TP53BP2: variants seen among roughly 807,000 people sequenced by gnomAD.
TP53BP2 encodes the protein tumor protein p53 binding protein 2.
In TP53BP2, 62 loss-of-function variants were observed where a neutral mutation model predicts 126.2. The ratio of observed to expected loss-of-function variants is 0.49; its 90% CI spans 0.40 to 0.61. The LOEUF is 0.61. Ranked by LOEUF, TP53BP2 falls within the 20% of genes least tolerant of loss-of-function variation. TP53BP2 has a pLI of 0.00. For synonymous variants in TP53BP2, 485 were observed against 502.9 expected (o/e 0.96, Z 0.48); for missense variants, 1,215 against 1,402.8 (o/e 0.87, Z 2.14).
chr1:223,834,992 A>T (rs1663869958), intron 1 of TP53BP2: 1 of 334,696 alleles, frequency 3.0e-6, no homozygotes, highest in Admixed American at 6.5e-5. Flanking sequence ...CCTACATTAT[A>T]ACTCACTCCC....
At chr1:223,842,098 C>T (rs1385822716) in intron 1 of TP53BP2, among the ~76,000 whole-genome samples, 1 of 152,060 alleles carries the variant, frequency 6.6e-6, no homozygotes, top group East Asian at 1.9e-4. Context: ...CGCCACCACG[C>T]CCAGCTAATT....
chr1:223,809,305 G>A (rs1333548136), intron 4 of TP53BP2, among the ~76,000 whole-genome samples: 4 of 152,126 alleles, frequency 2.6e-5, no homozygotes, highest in African/African-American at 7.2e-5. Flanking sequence ...CATGGCTAAC[G>A]TCCGTAATCC....
At position 223,804,280 on chromosome 1, in the gene TP53BP2, T is replaced by C. The variant is rs764952762; in HGVS notation, c.543A>G (p.Lys181=). ...RQQQQVAEQE[K]LKRLKEIAEN... is the part of the protein sequence containing the mutation. ...CAGCTATTTCTTTTAGCCTTTTAAG[T>C]TTCTCCTGCTCAGCAACTTGTTGCT... is the stretch of plus-strand genomic sequence containing the variant. The change falls in exon 6 of 18, where the codon AAA becomes AAG. Residue 181 remains lysine (K), a synonymous_variant. Transcript: ENST00000343537. The C allele has an allele frequency of 5.6e-6, 9 of 1,614,046 alleles. No homozygotes were observed. The highest frequency in any genetic ancestry group is 7.6e-6 in the Non-Finnish European group (9 of 1,180,024).
chr1:223,804,865 T>A lies in TP53BP2; in HGVS notation c.475-517A>T, dbSNP rs183435853. Among the ~76,000 whole-genome samples, 23 of 152,332 alleles carry A rather than the reference T, an allele frequency of 1.5e-4. No individual in the cohort carries two copies. In the East Asian group the frequency reaches 4.4e-3, roughly 29 times the overall value. ...ATAGTAACTACCAATGTTACTATAG[T>A]GAAGATTAAATGAAGTGTGAAATGT... On this transcript the variant is annotated intron_variant, in intron 5 of 17. Transcript: ENST00000343537.
chr1:223,802,051 T>A (rs1662542476), intron 9 of TP53BP2, 65 bp downstream of exon 9: 5 of 1,472,122 alleles, frequency 3.4e-6, no homozygotes, highest in Non-Finnish European at 3.7e-6. Flanking sequence ...AGATTTTTTT[T>A]AAACTCAAAC....
intron 1 of TP53BP2, chr1:223,845,274 A>G (rs1426664799): frequency 1.0e-6 from 1 of 984,766 alleles, no homozygotes; most frequent in African/African-American, 1.7e-5. Flanking sequence ...GTAAAAAGTA[A>G]AAAGACACAG....
chr1:223,824,218 A>C (rs1046460360), intron 1 of TP53BP2, among the ~76,000 whole-genome samples: 1 of 152,222 alleles, frequency 6.6e-6, no homozygotes, highest in Admixed American at 6.5e-5. Flanking sequence ...AGTTACCCAC[A>C]CTTTAACAGA....
intron 15 of TP53BP2, among the ~76,000 whole-genome samples, chr1:223,791,807 T>C (rs893197346): frequency 6.6e-6 from 1 of 152,198 alleles, no homozygotes; most frequent in Non-Finnish European, 1.5e-5. Flanking sequence ...AAATTTGCTG[T>C]CTATTCTGTT....
At chr1:223,809,698 AT>A (rs1662844722) in intron 4 of TP53BP2, among the ~76,000 whole-genome samples, 1 of 152,238 alleles carries the variant, frequency 6.6e-6, no homozygotes, top group South Asian at 2.1e-4. Context: ...TGTACTGATG[AT>A]TGGAGAAAGG....
chr1:223,833,151 T>C (rs1192703467), intron 1 of TP53BP2, among the ~76,000 whole-genome samples: 1 of 152,242 alleles, frequency 6.6e-6, no homozygotes, highest in African/African-American at 2.4e-5. Context: ...ATTCACCAAT[T>C]ACCATAAGTT....
intron 15 of TP53BP2, among the ~76,000 whole-genome samples, chr1:223,790,767 C>G (rs2102837574): frequency 6.6e-6 from 1 of 152,076 alleles, no homozygotes; most frequent in East Asian, 1.9e-4. Flanking sequence ...GCGCACCTAG[C>G]TAATTTTTAA....
chr1:223,798,686 C>A lies in TP53BP2; in HGVS notation c.1486-9G>T. 1 of 1,581,536 alleles carries A rather than the reference C, an allele frequency of 6.3e-7. No homozygotes were observed. Among genetic ancestry groups the A allele is most frequent in the Non-Finnish European group, 8.6e-7 (1 of 1,163,960 alleles). On this transcript the variant is annotated splice_polypyrimidine_tract_variant and intron_variant, in intron 11 of 17. Transcript: ENST00000343537. ...ACATTTTTATTTGCAACCTATAACA[C>A]ACACATAAAAAGCCAGTTAAAATAC...
At position 223,806,843 on chromosome 1, in the gene TP53BP2, T is replaced by C. The variant is rs1662737096; in HGVS notation, c.474+3A>G. 6.2e-7 allele frequency: 1 copy of C among 1,612,292 alleles called. No individual in the cohort carries two copies. On this transcript the variant is annotated splice_donor_region_variant and intron_variant, in intron 5 of 17. Coordinates refer to ENST00000343537, the MANE Select transcript of TP53BP2 (RefSeq NM_001031685.3). ...CATCTCCAAAAAAAAAGGACGATAC[T>C]ACCTTAGTTGCCAGCAATTGTTGCT... is the stretch of plus-strand genomic sequence containing the variant.
intron 1 of TP53BP2, among the ~76,000 whole-genome samples, chr1:223,839,668 G>A (rs371185136): frequency 2.0e-5 from 3 of 152,152 alleles, no homozygotes; most frequent in East Asian, 3.8e-4. Context: ...GGCCAACTGC[G>A]GTGGCTCACG....
chr1:223,834,747 A>G, intron 1 of TP53BP2: 1 of 843,304 alleles, frequency 1.2e-6, no homozygotes, highest in Non-Finnish European at 1.4e-6. Context: ...TCTGTCCTGT[A>G]GTGTCAATTC....
At chr1:223,844,253 G>C (rs1237676312) in intron 1 of TP53BP2, among the ~76,000 whole-genome samples, 1 of 152,190 alleles carries the variant, frequency 6.6e-6, no homozygotes, top group Non-Finnish European at 1.5e-5. Context: ...AGTCTCAAGA[G>C]CCACATAACG....
rs12039721 is a variant in TP53BP2, at chr1:223,841,583, C to A, written c.27+4071G>T. 4.3e-3 allele frequency among the ~76,000 whole-genome samples: 647 copies of A among 152,230 alleles called. 28 individuals carry two copies. The East Asian group carries it at 0.1, about 24-fold the overall frequency. ...TGGTTGTGTTTTGTGCAAATCTGTG[C>A]AAATAAAACCAGACCTTTGTAAATA... On this transcript the variant is annotated intron_variant, in intron 1 of 17. Transcript: ENST00000343537.
rs1571844526 is a variant in TP53BP2 at position 223,795,926 on chromosome 1, C to T, written c.2613G>A (p.Glu871=). The part of the protein sequence containing the change: ...APHVLDVYLE[E]YPPYPPPPYP... ...ATGGTGGGGGTGGGTATGGAGGGTA[C>T]TCCTCCAGGTACACATCAAGCACAT... Residue 871 remains glutamate (E), a synonymous_variant, in exon 13 of 18, where the codon GAG becomes GAA. Transcript: ENST00000343537. The T allele has an allele frequency of 6.2e-7, 1 of 1,614,012 alleles. No homozygotes were observed. Among genetic ancestry groups the T allele is most frequent in the Non-Finnish European group, 8.5e-7 (1 of 1,179,974 alleles).
At chr1:223,797,845 TACAC>T (rs139814982) in intron 12 of TP53BP2, among the ~76,000 whole-genome samples, 1 of 151,264 alleles carries the variant, frequency 6.6e-6, no homozygotes, top group Non-Finnish European at 1.5e-5. Flanking sequence ...TATATGTATA[TACAC>T]ACACACACAC....
Sources: allele counts gnomAD v4.1 joint callset (sites outside exome capture counted in the v4.1 genomes callset), GRCh38; gene constraint gnomAD v4.1.1; transcripts MANE v1.5; gene names NCBI Gene and HGNC (gene_info 2026-07-23, HGNC 2026-07-21).